Variants in NRG1 observed in about 807,000 individuals in gnomAD.
NRG1 encodes neuregulin 1, also known as pro-neuregulin-1, membrane-bound isoform.
In NRG1, 18 loss-of-function variants were observed where a neutral mutation model predicts 63.8. The observed-to-expected ratio is 0.28, with a 90% CI of 0.19 to 0.42. NRG1 has a LOEUF of 0.42. Among genes scored for constraint, NRG1 ranks in the 10% least tolerant of loss-of-function variants. The pLI is 1.00. For synonymous variants in NRG1, 302 were observed against 301.3 expected (o/e 1.00, Z -0.02); for missense variants, 762 against 814.7 (o/e 0.94, Z 0.79).
chr8:32,514,604 ATGTGTT>A (rs1829598256), intron 1 of NRG1, among the ~76,000 whole-genome samples: 1 of 152,066 alleles, frequency 6.6e-6, no homozygotes, highest in Admixed American at 6.5e-5. Context: ...TACCAAATGC[ATGTGTT>A]TTTGTTTTTG....
intron 2 of NRG1, among the ~76,000 whole-genome samples, chr8:32,604,431 A>G (rs1844908681): frequency 6.6e-6 from 1 of 152,200 alleles, no homozygotes; most frequent in African/African-American, 2.4e-5. Flanking sequence ...GAAAACTAGC[A>G]AAGTATAACG....
At chr8:32,018,316 C>T (rs1321651437) in intron 1 of NRG1, among the ~76,000 whole-genome samples, 4 of 152,164 alleles carry the variant, frequency 2.6e-5, no homozygotes, top group African/African-American at 9.7e-5. Context: ...ATTCACTTCC[C>T]AAGTGTTCAA....
chr8:32,365,295 C>G (rs2129482325), intron 1 of NRG1, among the ~76,000 whole-genome samples: 1 of 152,204 alleles, frequency 6.6e-6, no homozygotes, highest in South Asian at 2.1e-4. Flanking sequence ...ATTAGAAAAA[C>G]TAGCCCTTTT....
chr8:32,388,252 T>C (rs549486520), intron 1 of NRG1, among the ~76,000 whole-genome samples: 2 of 152,334 alleles, frequency 1.3e-5, no homozygotes, highest in South Asian at 2.1e-4. Flanking sequence ...TCAAGTATAC[T>C]TGAAGAGCCT....
chr8:32,397,735 C>T (rs1812627747), intron 1 of NRG1, among the ~76,000 whole-genome samples: 1 of 152,144 alleles, frequency 6.6e-6, no homozygotes, highest in Non-Finnish European at 1.5e-5. Context: ...CTGAAACACA[C>T]CCTCCTCTTC....
At chr8:31,930,978 G>T (rs1004518643) in intron 1 of NRG1, among the ~76,000 whole-genome samples, 2 of 152,096 alleles carry the variant, frequency 1.3e-5, no homozygotes, top group Admixed American at 6.5e-5. Context: ...TGTTTCTCAG[G>T]ATTTGTATCA....
intron 1 of NRG1, among the ~76,000 whole-genome samples, chr8:32,193,763 T>C (rs1010825380): frequency 2.0e-5 from 3 of 152,156 alleles, no homozygotes; most frequent in Non-Finnish European, 4.4e-5. Context: ...TGAAGTTGTT[T>C]GGGTGGAATC....
At chr8:32,306,692 C>G (rs1036227424) in intron 1 of NRG1, among the ~76,000 whole-genome samples, 1 of 152,148 alleles carries the variant, frequency 6.6e-6, no homozygotes, top group Non-Finnish European at 1.5e-5. Context: ...AATGGTAGGA[C>G]GAGGTTACTT....
rs752346275 is a variant in NRG1 at position 32,667,487 on chromosome 8, C to T, written c.502+50602C>T. On this transcript the variant is annotated intron_variant, in intron 5 of 11. Coordinates refer to ENST00000356819, the Ensembl canonical transcript of NRG1. ...GGGTGTGAAAGTTAAACCAATGGAA[C>T]CTTTTTTTAGTGAATTTAGTCAAAT... 9.2e-5 allele frequency among the ~76,000 whole-genome samples: 14 copies of T among 152,176 alleles called. No homozygotes were observed. In the East Asian group the frequency reaches 9.6e-4, roughly 10 times the overall value.
intron 1 of NRG1, among the ~76,000 whole-genome samples, chr8:31,855,442 T>A (rs1827752400): frequency 6.6e-6 from 1 of 152,132 alleles, no homozygotes; most frequent in African/African-American, 2.4e-5. Context: ...AACCCCTGCC[T>A]TTTTTTGTTT....
At chr8:31,814,568 T>C (rs1339802429) in intron 1 of NRG1, among the ~76,000 whole-genome samples, 2 of 152,118 alleles carry the variant, frequency 1.3e-5, no homozygotes, top group African/African-American at 4.8e-5. Flanking sequence ...TGTTAAACAT[T>C]GTGATTGTTC....
At chr8:32,664,664 A>T (rs542659857) in intron 5 of NRG1, among the ~76,000 whole-genome samples, 1 of 152,248 alleles carries the variant, frequency 6.6e-6, no homozygotes, top group East Asian at 1.9e-4. Flanking sequence ...GATGGTGATG[A>T]TAGTGACAAT....
At chr8:32,661,729 C>G (rs1802905292) in intron 5 of NRG1, among the ~76,000 whole-genome samples, 1 of 151,342 alleles carries the variant, frequency 6.6e-6, no homozygotes, top group African/African-American at 2.4e-5. Flanking sequence ...TATTGAGTGC[C>G]TGCTCAATAG....
At chr8:31,685,597 G>A (rs975973692) in intron 1 of NRG1, among the ~76,000 whole-genome samples, 11 of 152,138 alleles carry the variant, frequency 7.2e-5, no homozygotes, top group African/African-American at 2.7e-4. Context: ...ATGATCATGA[G>A]CAATTTTAGG....
chr8:32,735,429 G>A (rs948925850), intron 6 of NRG1, among the ~76,000 whole-genome samples: 3 of 152,222 alleles, frequency 2.0e-5, no homozygotes, highest in Non-Finnish European at 4.4e-5. Context: ...ACAGGAAAAC[G>A]AATACACAAT....
chr8:31,908,007 C>A (rs1050953512), intron 1 of NRG1, among the ~76,000 whole-genome samples: 1 of 152,132 alleles, frequency 6.6e-6, no homozygotes, highest in African/African-American at 2.4e-5. Flanking sequence ...GTCTGGAACT[C>A]ACATCCCATT....
intron 1 of NRG1, among the ~76,000 whole-genome samples, chr8:32,550,286 T>C (rs1833873396): frequency 6.6e-6 from 1 of 152,156 alleles, no homozygotes; most frequent in African/African-American, 2.4e-5. Context: ...GGAGAGACCA[T>C]AGCACTTTAT....
At chr8:32,707,646 C>T (rs1816759457) in intron 5 of NRG1, among the ~76,000 whole-genome samples, 1 of 151,922 alleles carries the variant, frequency 6.6e-6, no homozygotes, top group Non-Finnish European at 1.5e-5. Flanking sequence ...GATTTAGGTA[C>T]AGTCCCCTGG....
chr8:32,592,752 G>A (rs1842737192), intron 1 of NRG1, among the ~76,000 whole-genome samples: 1 of 151,992 alleles, frequency 6.6e-6, no homozygotes, highest in East Asian at 1.9e-4. Flanking sequence ...GTGGTAAGGG[G>A]GGAAACATGG....
Sources: allele counts gnomAD v4.1 joint callset (sites outside exome capture counted in the v4.1 genomes callset), GRCh38; gene constraint gnomAD v4.1.1; transcripts MANE v1.5; gene names NCBI Gene and HGNC (gene_info 2026-07-23, HGNC 2026-07-21).